ANKS1B: variants seen among roughly 807,000 people sequenced by gnomAD.
The protein encoded by ANKS1B is ankyrin repeat and sterile alpha motif domain-containing protein 1B.
A neutral mutation model predicts 148.3 loss-of-function variants in ANKS1B; 36 were observed. That is an observed-to-expected ratio of 0.24 (90% CI 0.19 to 0.32). The LOEUF (loss-of-function observed/expected upper bound fraction) is 0.32. ANKS1B is among the 10% of genes least tolerant of loss of function. The probability of loss-of-function intolerance (pLI) is 1.00; values close to 1 mark genes in which losing one functional copy is unlikely to be tolerated. For synonymous variants in ANKS1B, 542 were observed against 560.8 expected (o/e 0.97, Z 0.47); for missense variants, 1,157 against 1,542.6 (o/e 0.75, Z 4.19).
At chr12:99,583,990 G>T (rs1470571181) in intron 9 of ANKS1B, among the ~76,000 whole-genome samples, 1 of 152,192 alleles carries the variant, frequency 6.6e-6, no homozygotes, top group Admixed American at 6.5e-5. Flanking sequence ...CTGAAAAAAT[G>T]AAGTGTATCA....
At chr12:98,885,899 A>C (rs1391764384) in intron 17 of ANKS1B, among the ~76,000 whole-genome samples, 1 of 152,162 alleles carries the variant, frequency 6.6e-6, no homozygotes, top group Non-Finnish European at 1.5e-5. Flanking sequence ...GGTGGGAAGA[A>C]ATTTAAGAAG....
chr12:98,835,813 G>A (rs529114653), intron 17 of ANKS1B, among the ~76,000 whole-genome samples: 3 of 152,278 alleles, frequency 2.0e-5, no homozygotes, highest in Admixed American at 1.3e-4. Flanking sequence ...AGATCACCTG[G>A]ATAACTCTCC....
chr12:99,764,191 T>C (rs2062429134), intron 8 of ANKS1B, among the ~76,000 whole-genome samples: 1 of 152,300 alleles, frequency 6.6e-6, no homozygotes, highest in Non-Finnish European at 1.5e-5. Flanking sequence ...TAAGGACAAA[T>C]ACATGCACAC....
At chr12:99,850,623 T>C (rs1189274906) in intron 1 of ANKS1B, among the ~76,000 whole-genome samples, 3 of 151,998 alleles carry the variant, frequency 2.0e-5, no homozygotes, top group Non-Finnish European at 4.4e-5. Flanking sequence ...GTTAGATGCA[T>C]TTTATAATCC....
chr12:99,476,885 GA>G (rs1387615387), intron 10 of ANKS1B, among the ~76,000 whole-genome samples: 7 of 152,088 alleles, frequency 4.6e-5, no homozygotes, highest in African/African-American at 1.7e-4. Flanking sequence ...TTGACTGGGA[GA>G]AATTGACTTC....
chr12:99,717,942 C>T (rs1449238516), intron 8 of ANKS1B, among the ~76,000 whole-genome samples: 1 of 131,696 alleles, frequency 7.6e-6, no homozygotes, highest in Non-Finnish European at 1.5e-5. Flanking sequence ...CTCGCTCTGT[C>T]GCCCAGGCTG....
intron 10 of ANKS1B, among the ~76,000 whole-genome samples, chr12:99,473,594 G>A (rs1213356124): frequency 3.9e-5 from 6 of 151,944 alleles, no homozygotes; most frequent in Non-Finnish European, 5.9e-5. Context: ...TACAATACTT[G>A]ATATTGTCAG....
At chr12:99,155,101 G>C in intron 14 of ANKS1B, 1 of 1,517,672 alleles carries the variant, frequency 6.6e-7, no homozygotes, top group South Asian at 1.2e-5. Context: ...AGAGCTATTT[G>C]TTGTGGAATT....
At chr12:99,507,339 G>A (rs17029551) in intron 9 of ANKS1B, among the ~76,000 whole-genome samples, 2,260 of 151,930 alleles carry the variant, frequency 0.015, 71 homozygotes, top group African/African-American at 0.052. Context: ...TTAAAGCCTC[G>A]AAAACCACTT....
At chr12:99,562,717 C>T (rs1173639696) in intron 9 of ANKS1B, among the ~76,000 whole-genome samples, 2 of 152,142 alleles carry the variant, frequency 1.3e-5, no homozygotes, top group Admixed American at 1.3e-4. Flanking sequence ...CTTGTGAAAA[C>T]TCACTCACTA....
At chr12:99,492,880 C>T (rs1292792636) in intron 10 of ANKS1B, among the ~76,000 whole-genome samples, 1 of 152,088 alleles carries the variant, frequency 6.6e-6, no homozygotes, top group African/African-American at 2.4e-5. Flanking sequence ...GTATTGAAGG[C>T]ACAGACCTCA....
chr12:98,888,919 T>C, intron 17 of ANKS1B, among the ~76,000 whole-genome samples: 1 of 152,250 alleles, frequency 6.6e-6, no homozygotes, highest in Non-Finnish European at 1.5e-5. Flanking sequence ...GGACCTTGTC[T>C]ATCTTGTTCA....
intron 10 of ANKS1B, among the ~76,000 whole-genome samples, chr12:99,457,785 C>A (rs1445953075): frequency 1.3e-5 from 2 of 152,108 alleles, no homozygotes; most frequent in African/African-American, 4.8e-5. Context: ...AAAACAATTT[C>A]TACTAGACCT....
intron 17 of ANKS1B, chr12:98,895,127 G>A (rs1475986991): frequency 9.1e-6 from 9 of 985,066 alleles, no homozygotes; most frequent in Non-Finnish European, 1.1e-5. Flanking sequence ...GCCGGGGAGG[G>A]CTTACCGCTC....
intron 12 of ANKS1B, among the ~76,000 whole-genome samples, chr12:99,277,454 T>TC (rs2077820043): frequency 6.6e-6 from 1 of 152,024 alleles, no homozygotes; most frequent in African/African-American, 2.4e-5. Context: ...CAGAAAAGGG[T>TC]CTGTGAAAAT....
Position 99,669,170 on chromosome 12 carries a change from T to A in ANKS1B, c.1129-13960A>T, listed in dbSNP as rs147194430. On this transcript the variant is annotated intron_variant, in intron 8 of 26. Transcript: ENST00000683438. ...ATGACTTTCATTTTCCTTATTTTCA[T>A]GTGTAGTAATTTTTTTAAGAGAAGG... Among the ~76,000 whole-genome samples, 362 of 152,322 alleles carry A rather than the reference T, an allele frequency of 2.4e-3. 2 individuals are homozygous for A. The highest frequency in any genetic ancestry group is 8.3e-3 in the African/African-American group (345 of 41,576).
At chr12:99,316,205 C>T (rs879806212) in intron 12 of ANKS1B, among the ~76,000 whole-genome samples, 2 of 152,190 alleles carry the variant, frequency 1.3e-5, no homozygotes, top group Non-Finnish European at 2.9e-5. Flanking sequence ...ATTGCTGGGT[C>T]AAATGGTATT....
chr12:99,690,288 A>G (rs1191933077), intron 8 of ANKS1B, among the ~76,000 whole-genome samples: 1 of 152,136 alleles, frequency 6.6e-6, no homozygotes, highest in Admixed American at 6.5e-5. Context: ...GGCAAATTAT[A>G]TCATTCCACC....
intron 12 of ANKS1B, among the ~76,000 whole-genome samples, chr12:99,311,950 G>A (rs1255591217): frequency 1.3e-5 from 2 of 152,084 alleles, no homozygotes; most frequent in Non-Finnish European, 2.9e-5. Flanking sequence ...GCAAACTATA[G>A]GATTCAATTC....
Sources: gnomAD v4.1 joint callset for allele counts (sites outside exome capture counted in the v4.1 genomes callset) on GRCh38, gnomAD v4.1.1 for gene constraint, MANE v1.5 for transcripts, NCBI Gene and HGNC (gene_info 2026-07-23, HGNC 2026-07-21) for gene names.